Variants in ADGRD1 observed in about 807,000 individuals in gnomAD.
ADGRD1 encodes G-protein coupled receptor 133.
A neutral mutation model predicts 113.4 loss-of-function variants in ADGRD1; 77 were observed. The ratio of observed to expected loss-of-function variants is 0.68; its 90% CI spans 0.57 to 0.82. The LOEUF is 0.82. Ranked by LOEUF, ADGRD1 falls within the 40% of genes least tolerant of loss-of-function variation. The pLI is 0.00. For missense variants in ADGRD1, 1,036 were observed against 1,139.1 expected (o/e 0.91, Z 1.30); for synonymous variants, 474 against 475.0 (o/e 1.00, Z 0.03).
At chr12:130,968,784 G>A (rs1042735601) in intron 3 of ADGRD1, 1 of 579,890 alleles carries the variant, frequency 1.7e-6, no homozygotes, top group Non-Finnish European at 3.1e-6. Flanking sequence ...GGCCACTGGA[G>A]TGGCCGAGCT....
chr12:130,961,153 G>A (rs771563261), intron 2 of ADGRD1, among the ~76,000 whole-genome samples: 4 of 152,086 alleles, frequency 2.6e-5, no homozygotes, highest in African/African-American at 9.7e-5. Context: ...TTCCCTGAAC[G>A]CACACAAGGA....
intron 15 of ADGRD1, among the ~76,000 whole-genome samples, chr12:131,094,966 C>T (rs1257387416): frequency 1.3e-5 from 2 of 152,168 alleles, no homozygotes; most frequent in Non-Finnish European, 1.5e-5. Flanking sequence ...GCCCTACCCA[C>T]CCCTTCCCAT....
chr12:131,077,466 G>A (rs1234535805), intron 14 of ADGRD1, among the ~76,000 whole-genome samples: 1 of 152,160 alleles, frequency 6.6e-6, no homozygotes, highest in Non-Finnish European at 1.5e-5. Flanking sequence ...GCCCCAGCTC[G>A]CCTCCACGGC....
At chr12:131,133,675 T>C (rs2136103939) in intron 21 of ADGRD1, among the ~76,000 whole-genome samples, 1 of 152,324 alleles carries the variant, frequency 6.6e-6, no homozygotes, top group Non-Finnish European at 1.5e-5. Context: ...TCCCAATGCC[T>C]TCAGCTCCTC....
chr12:131,001,529 C>G (rs1876388700), intron 9 of ADGRD1, among the ~76,000 whole-genome samples: 1 of 152,178 alleles, frequency 6.6e-6, no homozygotes, highest in Non-Finnish European at 1.5e-5. Context: ...TCCAATGATA[C>G]TAAGTATTCA....
intron 13 of ADGRD1, among the ~76,000 whole-genome samples, chr12:131,037,367 T>TACTCACTGCACTGGGTCTC (rs1881609333): frequency 2.1e-5 from 3 of 140,906 alleles, no homozygotes; most frequent in Non-Finnish European, 4.6e-5. Context: ...CACTGGGTCT[T>TACTCACTGCACTGGGTCTC]ACTCACTGCA....
At chr12:131,008,662 G>A (rs1877488668) in intron 12 of ADGRD1, among the ~76,000 whole-genome samples, 1 of 152,178 alleles carries the variant, frequency 6.6e-6, no homozygotes, top group Non-Finnish European at 1.5e-5. Flanking sequence ...AGGATCCTTT[G>A]AGTCTCACTC....
intron 12 of ADGRD1, among the ~76,000 whole-genome samples, chr12:131,007,993 A>C (rs951771528): frequency 6.6e-6 from 1 of 152,184 alleles, no homozygotes; most frequent in Non-Finnish European, 1.5e-5. Context: ...GGAGGGGACA[A>C]AGAGTTTGGT....
At chr12:131,011,777 C>T (rs1395941572) in intron 12 of ADGRD1, among the ~76,000 whole-genome samples, 1 of 152,196 alleles carries the variant, frequency 6.6e-6, no homozygotes, top group South Asian at 2.1e-4. Context: ...GAATTGCACA[C>T]GTGTTGAGTT....
intron 12 of ADGRD1, among the ~76,000 whole-genome samples, chr12:131,006,895 T>C (rs1301680490): frequency 6.6e-6 from 1 of 152,000 alleles, no homozygotes; most frequent in Non-Finnish European, 1.5e-5. Flanking sequence ...TTCAGGAAAA[T>C]GGTCAAAGAA....
At chr12:131,029,824 C>A (rs1392099171) in intron 13 of ADGRD1, among the ~76,000 whole-genome samples, 1 of 101,676 alleles carries the variant, frequency 9.8e-6, no homozygotes. Flanking sequence ...GGTGACATTC[C>A]CAGGCTCTGG....
chr12:130,996,150 A>G (rs1380691813), intron 8 of ADGRD1, among the ~76,000 whole-genome samples: 1 of 151,722 alleles, frequency 6.6e-6, no homozygotes, highest in Non-Finnish European at 1.5e-5. Flanking sequence ...AGTACAGAAC[A>G]AAATGAAAAG....
At chr12:131,035,618 G>C (rs1328702423) in intron 13 of ADGRD1, 1 of 130,108 alleles carries the variant, frequency 7.7e-6, no homozygotes, top group East Asian at 2.0e-4. Context: ...GTGCTTAACT[G>C]ATGATGGGGT....
intron 8 of ADGRD1, among the ~76,000 whole-genome samples, chr12:130,996,022 A>G (rs1019002192): frequency 1.3e-5 from 2 of 152,122 alleles, no homozygotes; most frequent in African/African-American, 2.4e-5. Flanking sequence ...AACAAAGCAC[A>G]TCTTGCACCG....
chr12:130,986,843 T>C (rs965168504), intron 5 of ADGRD1: 1 of 476,212 alleles, frequency 2.1e-6, no homozygotes, highest in African/African-American at 1.9e-5. Flanking sequence ...GTAACTACTA[T>C]GTTAAAATAA....
At chr12:131,087,238 G>A (rs1027123574) in intron 15 of ADGRD1, among the ~76,000 whole-genome samples, 20 of 152,164 alleles carry the variant, frequency 1.3e-4, no homozygotes, top group Admixed American at 4.6e-4. Context: ...CTGTAGAGAT[G>A]GGGCCTCACT....
intron 13 of ADGRD1, among the ~76,000 whole-genome samples, chr12:131,062,147 C>T (rs990858429): frequency 2.6e-5 from 4 of 152,196 alleles, no homozygotes; most frequent in Admixed American, 2.0e-4. Context: ...CTGCCTCAGC[C>T]TCCCAAGCCC....
At chr12:131,092,591 G>T (rs529602685) in intron 15 of ADGRD1, among the ~76,000 whole-genome samples, 2 of 152,218 alleles carry the variant, frequency 1.3e-5, no homozygotes, top group South Asian at 4.2e-4. Context: ...CAGGCTTCAG[G>T]CATGGGAAGC....
intron 17 of ADGRD1, among the ~76,000 whole-genome samples, chr12:131,106,243 G>A (rs959471994): frequency 6.6e-6 from 1 of 152,242 alleles, no homozygotes; most frequent in Non-Finnish European, 1.5e-5. Flanking sequence ...TGACGGCCTG[G>A]TGTGGGCAGA....
Sources: allele counts gnomAD v4.1 joint callset (sites outside exome capture counted in the v4.1 genomes callset), GRCh38; gene constraint gnomAD v4.1.1; transcripts MANE v1.5; gene names NCBI Gene and HGNC (gene_info 2026-07-23, HGNC 2026-07-21).